The following SLC38A4 variants were observed in gnomAD, a reference collection of about 807,000 sequenced individuals.
The protein encoded by SLC38A4 is solute carrier family 38 member 4.
Under a neutral mutation model 63.1 loss-of-function variants are expected in SLC38A4, and 20 were observed. That is an observed-to-expected ratio of 0.32 (90% CI 0.22 to 0.46). The LOEUF is 0.46. Ranked by LOEUF, SLC38A4 falls within the 20% of genes least tolerant of loss-of-function variation. The pLI is 1.00. For synonymous variants in SLC38A4, 230 were observed against 225.5 expected (o/e 1.02, Z -0.18); for missense variants, 526 against 663.6 (o/e 0.79, Z 2.28).
intron 3 of SLC38A4, 74 bp downstream of exon 3, chr12:46,792,879 C>A (rs576065100): frequency 1.9e-6 from 2 of 1,057,182 alleles, no homozygotes; most frequent in South Asian, 1.3e-5. Context: ...CAGTTCTTCC[C>A]ATCAAGACCC....
chr12:46,792,176 A>T (rs12316757), intron 3 of SLC38A4, among the ~76,000 whole-genome samples: 1,608 of 152,198 alleles, frequency 0.011, 17 homozygotes, highest in East Asian at 0.055. Context: ...GAGAGAAATC[A>T]GGGCTCTCTC....
At chr12:46,773,509 T>C (rs1938462789) in intron 14 of SLC38A4, among the ~76,000 whole-genome samples, 1 of 152,132 alleles carries the variant, frequency 6.6e-6, no homozygotes, top group Non-Finnish European at 1.5e-5. Flanking sequence ...CTGGTTCTTA[T>C]GGTCAATTTT....
intron 1 of SLC38A4, among the ~76,000 whole-genome samples, chr12:46,812,472 G>A (rs1428772302): frequency 1.3e-5 from 2 of 151,954 alleles, no homozygotes; most frequent in Non-Finnish European, 2.9e-5. Context: ...ACTCAGTGCT[G>A]GACTTTGATT....
At chr12:46,775,234 T>C (rs752939567) in intron 13 of SLC38A4, 61 bp from the exon 14 acceptor site, 6 of 1,564,048 alleles carry the variant, frequency 3.8e-6, no homozygotes, top group Non-Finnish European at 4.3e-6. Context: ...AGGTCACTTA[T>C]GGCAACATTT....
chr12:46,799,422 C>G (rs984036477), intron 2 of SLC38A4, among the ~76,000 whole-genome samples: 8 of 151,984 alleles, frequency 5.3e-5, no homozygotes, highest in African/African-American at 1.7e-4. Context: ...CCCAACATGG[C>G]AAAGCTCCAT....
chr12:46,778,798 G>GAA (rs199983823), intron 10 of SLC38A4, 22 bp from the exon 11 acceptor site: 6 of 1,541,388 alleles, frequency 3.9e-6, no homozygotes, highest in Non-Finnish European at 5.3e-6. Context: ...CATTAAAAAA[G>GAA]AAAAAAAAAT....
intron 1 of SLC38A4, among the ~76,000 whole-genome samples, chr12:46,804,466 C>G (rs1178588567): frequency 6.6e-6 from 1 of 151,812 alleles, no homozygotes; most frequent in Non-Finnish European, 1.5e-5. Flanking sequence ...GAAAGAAAAA[C>G]AAATCACAAA....
intron 2 of SLC38A4, among the ~76,000 whole-genome samples, chr12:46,798,352 T>C (rs1939059789): frequency 6.6e-6 from 1 of 152,164 alleles, no homozygotes; most frequent in Non-Finnish European, 1.5e-5. Flanking sequence ...GCTACACTAG[T>C]CTTTCCATTC....
intron 13 of SLC38A4, among the ~76,000 whole-genome samples, chr12:46,775,455 A>G (rs1415076619): frequency 3.9e-5 from 6 of 152,050 alleles, no homozygotes; most frequent in East Asian, 1.9e-4. Flanking sequence ...TACAGAAGCA[A>G]TTACAAATCA....
At chr12:46,774,656 GA>G (rs1442289779) in intron 14 of SLC38A4, among the ~76,000 whole-genome samples, 2 of 151,522 alleles carry the variant, frequency 1.3e-5, no homozygotes, top group African/African-American at 4.8e-5. Context: ...CAACAAACTG[GA>G]AAAAAAATGA....
chr12:46,779,655 T>C lies in SLC38A4; in HGVS notation c.673A>G (p.Thr225Ala). The change falls in exon 10 of 17, where the codon ACC becomes GCC. Residue 225 changes from threonine (T) to alanine (A), a missense_variant. Transcript: ENST00000266579. ...LLKNLGYLGY[T>A]SGFSLTCMVF... ...ATGCAGGTAAGAGAAAATCCACTGG[T>C]ATAGCCAAGATAACCTAGAAGTTAG... The C allele has an allele frequency of 1.2e-6, 2 of 1,607,968 alleles. No individual in the cohort carries two copies. Among genetic ancestry groups the C allele is most frequent in the Non-Finnish European group, 1.7e-6 (2 of 1,177,960 alleles).
chr12:46,800,538 C>T (rs1387328278), intron 2 of SLC38A4, among the ~76,000 whole-genome samples: 1 of 151,986 alleles, frequency 6.6e-6, no homozygotes, highest in Non-Finnish European at 1.5e-5. Context: ...CCAATGTTAA[C>T]TAAAACAACC....
At chr12:46,777,045 AC>A (rs1565664406) in intron 12 of SLC38A4, 41 bp from the exon 13 acceptor site, 1 of 1,504,874 alleles carries the variant, frequency 6.6e-7, no homozygotes, top group Admixed American at 1.9e-5. Context: ...TTTTAAACTT[AC>A]AAAAAAAAAT....
intron 2 of SLC38A4, among the ~76,000 whole-genome samples, chr12:46,796,651 T>G (rs895310741): frequency 2.6e-5 from 4 of 152,100 alleles, no homozygotes; most frequent in Non-Finnish European, 5.9e-5. Flanking sequence ...ACTCCGGGGG[T>G]GAAGCATTTT....
intron 14 of SLC38A4, among the ~76,000 whole-genome samples, chr12:46,773,459 A>G (rs1241954954): frequency 6.6e-6 from 1 of 152,094 alleles, no homozygotes; most frequent in East Asian, 1.9e-4. Flanking sequence ...TTGAGTGGAA[A>G]TACATAATGA....
chr12:46,765,474 G>T lies in SLC38A4; in HGVS notation c.*1227C>A, dbSNP rs1592171498. 1 of 365,406 alleles carries T rather than the reference G, an allele frequency of 2.7e-6. No individual in the cohort carries two copies. The highest frequency in any genetic ancestry group is 5.3e-6 in the Non-Finnish European group (1 of 189,952). The allele number at this position is 365,406 out of a possible 1,614,324, so 22.6% of individuals were successfully genotyped here. A position where few individuals can be genotyped will look rare whatever the true frequency, so the allele number is the denominator to read the frequency against. ...TTAGTATGATAAAAATTTGCAAAAA[G>T]AAACTTATTTTCTTGTAGATCATCC... On this transcript the variant is annotated 3_prime_UTR_variant, in exon 17 of 17. Coordinates refer to ENST00000266579, the MANE Select transcript of SLC38A4 (RefSeq NM_018018.5).
At chr12:46,789,534 C>A (rs1938836456) in intron 3 of SLC38A4, among the ~76,000 whole-genome samples, 1 of 152,106 alleles carries the variant, frequency 6.6e-6, no homozygotes. Context: ...CAGTTACAAG[C>A]CAGGGCCTTT....
upstream of SLC38A4, among the ~76,000 whole-genome samples, chr12:46,830,909 A>C (rs1397883566): frequency 2.0e-5 from 3 of 152,222 alleles, no homozygotes; most frequent in African/African-American, 4.8e-5. Flanking sequence ...ACAAGTGCTC[A>C]AGTTCACAAG....
At chr12:46,823,431 C>A (rs1370794336) in intron 1 of SLC38A4, among the ~76,000 whole-genome samples, 2 of 152,208 alleles carry the variant, frequency 1.3e-5, no homozygotes, top group Non-Finnish European at 2.9e-5. Context: ...AAAAGCAGAT[C>A]TACCTATAAA....
Sources: gnomAD v4.1 joint callset for allele counts (sites outside exome capture counted in the v4.1 genomes callset) on GRCh38, gnomAD v4.1.1 for gene constraint, MANE v1.5 for transcripts, NCBI Gene and HGNC (gene_info 2026-07-23, HGNC 2026-07-21) for gene names.